Variants in COL11A1 observed in about 807,000 individuals in gnomAD.
COL11A1 encodes collagen alpha-1(XI) chain.
A neutral mutation model predicts 265.2 loss-of-function variants in COL11A1; 74 were observed. That is an observed-to-expected ratio of 0.28 (90% CI 0.23 to 0.34). The LOEUF (loss-of-function observed/expected upper bound fraction) is 0.34, where lower values mean the gene tolerates loss of function less well. COL11A1 is among the 10% of genes least tolerant of loss of function. The pLI is 1.00. For missense variants in COL11A1, 2,165 were observed against 2,263.6 expected, an observed-to-expected ratio of 0.96 and a Z score of 0.88; for synonymous variants, 816 against 727.6, an observed-to-expected ratio of 1.12 and a Z score of -1.96.
chr1:103,062,202 G>A (rs1300699717), intron 4 of COL11A1, among the ~76,000 whole-genome samples: 2 of 151,894 alleles, frequency 1.3e-5, no homozygotes, highest in Non-Finnish European at 2.9e-5. Flanking sequence ...ACTTTCTAAA[G>A]AGAAAGCATC....
At position 102,898,932 on chromosome 1, in the gene COL11A1, T is replaced by A; in HGVS notation, c.4140+9A>T. On this transcript the variant is annotated intron_variant, in intron 55 of 66. Transcript: ENST00000370096. ...AATATATATTATGTATATATTATTT[T>A]TTTTTTACCTTAGCACCTTTTTCAC... 2 of 1,394,214 alleles carry A rather than the reference T, an allele frequency of 1.4e-6. No homozygotes were observed. Among genetic ancestry groups the A allele is most frequent in the Non-Finnish European group, 2.0e-6 (2 of 1,024,208 alleles). 86.4% of individuals were successfully genotyped at this position (1,394,214 alleles called of 1,614,324 possible).
chr1:102,879,916 G>T lies in COL11A1; in HGVS notation c.5041C>A (p.Leu1681Ile). Residue 1681 changes from leucine to isoleucine, a missense_variant and splice_region_variant, in exon 66 of 67, where the codon CTT (leucine) becomes ATT (isoleucine). By Grantham distance (5) the Leu-to-Ile change is conservative. Transcript: ENST00000370096. ...TTTCCTTCAACATCTAAGTATGAAA[G>T]CTAGGAATAAAGGAATAAAAAGACA... Reference protein sequence around the residue: ...WFSEFKRGKLLSYLDVEGNSI... With the variant: ...WFSEFKRGKLISYLDVEGNSI... 6.3e-7 allele frequency: 1 copy of T among 1,596,830 alleles called. No individual in the cohort carries two copies. The highest frequency in any genetic ancestry group is 2.2e-5 in the East Asian group (1 of 44,738).
intron 1 of COL11A1, among the ~76,000 whole-genome samples, chr1:103,085,455 G>A (rs979427069): frequency 1.3e-5 from 2 of 152,268 alleles, no homozygotes; most frequent in African/African-American, 4.8e-5. Flanking sequence ...GGAAACCAGA[G>A]TGCCCAGTGA....
At chr1:103,010,847 T>C (rs1350442075) in intron 14 of COL11A1, among the ~76,000 whole-genome samples, 8 of 151,948 alleles carry the variant, frequency 5.3e-5, no homozygotes, top group African/African-American at 1.2e-4. Flanking sequence ...ATTACAGGCA[T>C]GTGCCACCAC....
chr1:103,037,735 TCTA>T, intron 4 of COL11A1, among the ~76,000 whole-genome samples: 1 of 152,336 alleles, frequency 6.6e-6, no homozygotes, highest in South Asian at 2.1e-4. Flanking sequence ...GGCTTTCAAT[TCTA>T]CTCTGAATCT....
chr1:102,949,072 A>G (rs1659608262), intron 41 of COL11A1, among the ~76,000 whole-genome samples: 1 of 152,066 alleles, frequency 6.6e-6, no homozygotes, highest in East Asian at 1.9e-4. Context: ...AAAAAGAGAG[A>G]AAAGAAAAAA....
At chr1:102,924,067 A>C (rs1463256488) in intron 46 of COL11A1, among the ~76,000 whole-genome samples, 2 of 151,194 alleles carry the variant, frequency 1.3e-5, no homozygotes, top group Middle Eastern at 3.4e-3. Flanking sequence ...AAAAAAAAAA[A>C]AAAATTAGCC....
intron 1 of COL11A1, among the ~76,000 whole-genome samples, chr1:103,098,227 C>T (rs866892822): frequency 6.6e-6 from 1 of 151,860 alleles, no homozygotes; most frequent in South Asian, 2.1e-4. Flanking sequence ...TAGTTGATCT[C>T]CTCAACTCAG....
intron 1 of COL11A1, among the ~76,000 whole-genome samples, chr1:103,083,255 T>TGTGTGC (rs1245674375): frequency 6.7e-6 from 1 of 148,696 alleles, no homozygotes; most frequent in African/African-American, 2.5e-5. Context: ...TGTCTGTGTG[T>TGTGTGC]GTGTGTGTGT....
chr1:102,923,623 T>A (rs1363864760), intron 46 of COL11A1, among the ~76,000 whole-genome samples: 2 of 152,110 alleles, frequency 1.3e-5, no homozygotes, highest in East Asian at 3.8e-4. Flanking sequence ...TATTGTTTAT[T>A]TTTAGTTATA....
chr1:102,976,338 G>T (rs1401682708), intron 35 of COL11A1, among the ~76,000 whole-genome samples: 3 of 98,952 alleles, frequency 3.0e-5, no homozygotes, highest in African/African-American at 1.0e-4. Flanking sequence ...TTGCTCTGTT[G>T]CCCAGGCTGG....
chr1:102,996,984 T>G lies in COL11A1; in HGVS notation c.2241+96A>C. 5 of 1,006,068 alleles carry G rather than the reference T, an allele frequency of 5.0e-6. No homozygotes were observed. The South Asian group carries it at 6.6e-5, about 13-fold the overall frequency. The allele number at this position is 1,006,068 out of a possible 1,614,324, so 62.3% of individuals were successfully genotyped here. A position where few individuals can be genotyped will look rare whatever the true frequency, so the allele number is the denominator to read the frequency against. On this transcript the variant is annotated intron_variant, in intron 26 of 66. Transcript: ENST00000370096. ...ATCTTTTTTATACCCAAAATAACTA[T>G]ATGAACGTGATTTATATATATGAGA...
At chr1:102,887,610 C>T (rs1451939399) in intron 62 of COL11A1, among the ~76,000 whole-genome samples, 1 of 152,068 alleles carries the variant, frequency 6.6e-6, no homozygotes, top group African/African-American at 2.4e-5. Context: ...ACGAGCAGAG[C>T]TATATCAAAT....
Position 103,094,740 on chromosome 1 carries a change from T to A in COL11A1, c.107-11768A>T, listed in dbSNP as rs549069770. ...TGTTCTCTATTGTAAGAATACAGCA[T>A]AAAATATATATAACATACAAAATAT... On this transcript the variant is annotated intron_variant, in intron 1 of 66. Coordinates refer to ENST00000370096, the MANE Select transcript of COL11A1 (RefSeq NM_001854.4). Among the ~76,000 whole-genome samples, 3 of 152,230 alleles carry A rather than the reference T, an allele frequency of 2.0e-5. No individual in the cohort carries two copies. The East Asian group carries it at 5.8e-4, about 29-fold the overall frequency.
chr1:102,990,056 A>C (rs1288149128), intron 28 of COL11A1, among the ~76,000 whole-genome samples: 1 of 151,956 alleles, frequency 6.6e-6, no homozygotes, highest in Admixed American at 6.6e-5. Flanking sequence ...GTGTGGGTGC[A>C]TGACTGTAAT....
At chr1:103,072,191 A>C (rs931785741) in intron 4 of COL11A1, among the ~76,000 whole-genome samples, 2 of 151,906 alleles carry the variant, frequency 1.3e-5, no homozygotes, top group African/African-American at 2.4e-5. Flanking sequence ...CAACTTTAAA[A>C]TCATCTTCAG....
intron 54 of COL11A1, among the ~76,000 whole-genome samples, chr1:102,910,514 C>T (rs1357598905): frequency 6.6e-6 from 1 of 152,066 alleles, no homozygotes; most frequent in Non-Finnish European, 1.5e-5. Context: ...ATAGTCTCTC[C>T]TTTTCTAGCT....
chr1:102,942,212 T>A (rs1297628067), intron 42 of COL11A1, among the ~76,000 whole-genome samples: 1 of 152,150 alleles, frequency 6.6e-6, no homozygotes, highest in Non-Finnish European at 1.5e-5. Flanking sequence ...TTCAGATAGT[T>A]CCCCTTAATT....
At chr1:103,010,817 C>T (rs1271500110) in intron 14 of COL11A1, among the ~76,000 whole-genome samples, 1 of 151,962 alleles carries the variant, frequency 6.6e-6, no homozygotes, top group East Asian at 1.9e-4. Context: ...TCTCCTGCCT[C>T]AGCCTCCCGA....
Sources: allele counts gnomAD v4.1 joint callset (sites outside exome capture counted in the v4.1 genomes callset), GRCh38; gene constraint gnomAD v4.1.1; transcripts MANE v1.5; gene names NCBI Gene and HGNC (gene_info 2026-07-23, HGNC 2026-07-21).